The following TBPL2 variants were observed in gnomAD, a reference collection of about 807,000 sequenced individuals.
TBPL2 encodes TATA box-binding protein-like 2.
A neutral mutation model predicts 38.2 loss-of-function variants in TBPL2; 40 were observed. The ratio of observed to expected loss-of-function variants is 1.05; its 90% CI spans 0.81 to 1.36. The LOEUF (loss-of-function observed/expected upper bound fraction) is 1.36. TBPL2 is among the 40% of genes most tolerant of loss of function. TBPL2 has a pLI of 0.00. For synonymous variants in TBPL2, 169 were observed against 171.7 expected, an observed-to-expected ratio of 0.98 and a Z score of 0.12; for missense variants, 461 against 456.7, an observed-to-expected ratio of 1.01 and a Z score of -0.09.
At chr14:55,430,209 G>C (rs541675648) in intron 4 of TBPL2, among the ~76,000 whole-genome samples, 1 of 151,984 alleles carries the variant, frequency 6.6e-6, no homozygotes, top group Non-Finnish European at 1.5e-5. Context: ...CCCCCTCATG[G>C]GTTTGGCCCT....
At chr14:55,419,125 C>T (rs1885708023) in intron 6 of TBPL2, among the ~76,000 whole-genome samples, 1 of 152,276 alleles carries the variant, frequency 6.6e-6, no homozygotes, top group South Asian at 2.1e-4. Context: ...CAGGAGACCA[C>T]ACAGGTGTTA....
At chr14:55,439,620 C>CCCCCCCCGCCG (rs1566596499) in intron 1 of TBPL2, among the ~76,000 whole-genome samples, 1 of 134,286 alleles carries the variant, frequency 7.4e-6, no homozygotes, top group East Asian at 2.6e-4. Context: ...GCAAACCCCC[C>CCCCCCCCGCCG]CCCGTCTCTA....
At chr14:55,428,704 T>G (rs1885872466) in intron 5 of TBPL2, 103 bp downstream of exon 5, 1 of 1,300,942 alleles carries the variant, frequency 7.7e-7, no homozygotes, top group African/African-American at 1.5e-5. Context: ...CCGCCTTTTT[T>G]TTTTTAATCA....
intron 2 of TBPL2, 65 bp downstream of exon 2, chr14:55,436,496 C>G (rs1218114709): frequency 7.4e-7 from 1 of 1,348,946 alleles, no homozygotes; most frequent in African/African-American, 1.5e-5. Context: ...AATTAGTTGT[C>G]ATCGCATTCA....
At chr14:55,420,971 G>A (rs2140166178) in intron 6 of TBPL2, among the ~76,000 whole-genome samples, 1 of 148,898 alleles carries the variant, frequency 6.7e-6, no homozygotes, top group South Asian at 2.1e-4. Flanking sequence ...TGAGGCAGGA[G>A]AATGGCGTGA....
intron 1 of TBPL2, among the ~76,000 whole-genome samples, chr14:55,439,882 G>A (rs1317587418): frequency 1.4e-5 from 2 of 139,182 alleles, no homozygotes; most frequent in African/African-American, 2.7e-5. Context: ...AGTGAGCCGA[G>A]ATCGCGCCAC....
At chr14:55,431,156 T>G (rs887997335) in intron 4 of TBPL2, among the ~76,000 whole-genome samples, 9 of 152,226 alleles carry the variant, frequency 5.9e-5, no homozygotes, top group African/African-American at 2.2e-4. Flanking sequence ...AGAATAGGTT[T>G]GGATAAAATG....
intron 3 of TBPL2, among the ~76,000 whole-genome samples, chr14:55,433,940 C>G (rs1316422133): frequency 6.6e-6 from 1 of 152,080 alleles, no homozygotes; most frequent in Non-Finnish European, 1.5e-5. Context: ...AATTTGAATG[C>G]CTGTTATGTT....
At chr14:55,415,130 C>T (rs1342499040) in intron 6 of TBPL2, among the ~76,000 whole-genome samples, 1 of 152,184 alleles carries the variant, frequency 6.6e-6, no homozygotes, top group Non-Finnish European at 1.5e-5. Flanking sequence ...CTCCAGCTTC[C>T]AAATTATGCA....
intron 4 of TBPL2, among the ~76,000 whole-genome samples, chr14:55,432,442 A>AACAAAAAAAAAAAC (rs144188761): frequency 1.1e-4 from 17 of 149,164 alleles, no homozygotes; most frequent in East Asian, 5.8e-4. Flanking sequence ...ATAAACAAAC[A>AACAAAAAAAAAAAC]ACAAAAAAAA....
intron 4 of TBPL2, among the ~76,000 whole-genome samples, chr14:55,429,390 T>TG (rs1885886706): frequency 6.6e-6 from 1 of 152,188 alleles, no homozygotes; most frequent in Non-Finnish European, 1.5e-5. Context: ...CAATCTGTCT[T>TG]TTAACAAGCC....
intron 1 of TBPL2, among the ~76,000 whole-genome samples, chr14:55,439,617 C>CCCTCCCCCCG (rs1886074724): frequency 1.4e-5 from 1 of 72,628 alleles, no homozygotes; most frequent in Non-Finnish European, 3.0e-5. Flanking sequence ...AAAGCAAACC[C>CCCTCCCCCCG]CCCCCCGTCT....
At chr14:55,428,950 T>G (rs748138034) in exon 5 of TBPL2, 1 of 1,614,148 alleles carries the variant, frequency 6.2e-7, no homozygotes. Flanking sequence ...CATATTTTCT[T>G]GCTGCAAGTC....
chr14:55,421,100 G>T (rs976307318), intron 6 of TBPL2, among the ~76,000 whole-genome samples: 2 of 151,494 alleles, frequency 1.3e-5, no homozygotes, highest in South Asian at 2.1e-4. Context: ...TTTGGGGTAG[G>T]TGGGAAAGCT....
chr14:55,421,690 T>C (rs558721827), intron 6 of TBPL2, among the ~76,000 whole-genome samples: 1 of 152,184 alleles, frequency 6.6e-6, no homozygotes, highest in Admixed American at 6.5e-5. Context: ...CTTGAATTCC[T>C]GGCCTCATGT....
chr14:55,437,131 G>T lies in TBPL2; in HGVS notation c.151-113C>A, dbSNP rs149672566. 833 of 898,932 alleles carry T rather than the reference G, an allele frequency of 9.3e-4. 10 individuals are homozygous for T. The African/African-American group carries it at 0.012, about 13-fold the overall frequency. The allele number at this position is 898,932 out of a possible 1,614,324, so 55.7% of individuals were successfully genotyped here. On this transcript the variant is annotated intron_variant, in intron 1 of 6. Transcript: ENST00000247219. ...GGCAATGTATTCAGTGTAAGAGGCA[G>T]TTCAAGATTGCTTGTATTCATGCAC...
intron 3 of TBPL2, among the ~76,000 whole-genome samples, 178 bp downstream of exon 3, chr14:55,435,669 A>C (rs1886000938): frequency 1.3e-5 from 2 of 152,238 alleles, no homozygotes; most frequent in African/African-American, 4.8e-5. Flanking sequence ...TTTATTCAGC[A>C]TAAAGAATGA....
Position 55,428,980 on chromosome 14 carries a change from G to A in TBPL2, c.789-6C>T. ...CAAGTCGAGACTGCTCTTCACTGGG[G>A]AGGGGCAAATATGTTTAAAGATGTC... On this transcript the variant is annotated splice_region_variant and splice_polypyrimidine_tract_variant and intron_variant, in intron 4 of 6. Transcript: ENST00000247219. The A allele has an allele frequency of 6.2e-7, 1 of 1,613,890 alleles. No homozygotes were observed.
At chr14:55,430,398 TAAAAAAAAAAAAAA>T (rs370880582) in intron 4 of TBPL2, among the ~76,000 whole-genome samples, 2 of 119,828 alleles carry the variant, frequency 1.7e-5, no homozygotes, top group Non-Finnish European at 3.3e-5. Context: ...TCACCCACTT[TAAAAAAAAAAAAAA>T]AAAAAAAAAA....
Sources: allele counts gnomAD v4.1 joint callset (sites outside exome capture counted in the v4.1 genomes callset), GRCh38; gene constraint gnomAD v4.1.1; transcripts MANE v1.5; gene names NCBI Gene and HGNC (gene_info 2026-07-23, HGNC 2026-07-21).